Variants in NAMPT observed in about 807,000 individuals in gnomAD.
The protein encoded by NAMPT is nicotinamide phosphoribosyltransferase, also known as NAmPRTase.
Under a neutral mutation model 58.7 loss-of-function variants are expected in NAMPT, and 7 were observed. That is an observed-to-expected ratio of 0.12 (90% CI 0.07 to 0.22). NAMPT has a LOEUF of 0.22. Ranked by LOEUF, NAMPT falls within the 10% of genes least tolerant of loss-of-function variation. The probability of loss-of-function intolerance (pLI) is 1.00; values close to 1 mark genes in which losing one functional copy is unlikely to be tolerated. For synonymous variants in NAMPT, 145 were observed against 198.1 expected (o/e 0.73, Z 2.25); for missense variants, 271 against 567.9 (o/e 0.48, Z 5.31).
At chr7:106,285,680 C>G, upstream of NAMPT, 1 of 744,118 alleles carries the variant, frequency 1.3e-6, no homozygotes, top group Non-Finnish European at 1.6e-6. Flanking sequence ...TCTGATGCAG[C>G]GACTCCGCTT....
At chr7:106,273,638 T>C (rs930810657) in intron 3 of NAMPT, among the ~76,000 whole-genome samples, 12 of 152,196 alleles carry the variant, frequency 7.9e-5, no homozygotes, top group Admixed American at 2.6e-4. Context: ...TCTGATCATA[T>C]AATCAAACGA....
At chr7:106,262,681 A>G (rs1425714123) in intron 7 of NAMPT, among the ~76,000 whole-genome samples, 2 of 151,662 alleles carry the variant, frequency 1.3e-5, no homozygotes, top group East Asian at 3.9e-4. Flanking sequence ...TGGATATCTG[A>G]CTCCTTATCT....
At chr7:106,257,267 A>G (rs1792218400) in intron 8 of NAMPT, among the ~76,000 whole-genome samples, 1 of 152,006 alleles carries the variant, frequency 6.6e-6, no homozygotes, top group African/African-American at 2.4e-5. Context: ...TTATCTCAAT[A>G]TTCTTGTTTA....
chr7:106,265,497 A>C (rs1326191303), intron 6 of NAMPT, among the ~76,000 whole-genome samples: 3 of 151,178 alleles, frequency 2.0e-5, no homozygotes, highest in Non-Finnish European at 4.4e-5. Flanking sequence ...GTCAGATGGC[A>C]ATATTTCTCA....
At chr7:106,274,147 T>C (rs1792589088) in intron 3 of NAMPT, among the ~76,000 whole-genome samples, 1 of 150,852 alleles carries the variant, frequency 6.6e-6, no homozygotes. Flanking sequence ...AAAATCAACT[T>C]TGTGGATCAG....
chr7:106,271,604 G>C (rs13240452), intron 4 of NAMPT, among the ~76,000 whole-genome samples: 41,483 of 151,438 alleles, frequency 0.27, 6,701 homozygotes, highest in South Asian at 0.45. Flanking sequence ...CCTTTTTTTT[G>C]AGTGTATTAT....
At chr7:106,285,696 C>T (rs1279054414), upstream of NAMPT, 8 of 594,964 alleles carry the variant, frequency 1.3e-5, no homozygotes, top group South Asian at 7.4e-5. Flanking sequence ...CGCTTTCCTC[C>T]GGCGGCTCTG....
chr7:106,269,220 A>G lies in NAMPT; in HGVS notation c.540T>C (p.Ser180=), dbSNP rs199969432. 1.2e-6 allele frequency: 2 copies of G among 1,613,554 alleles called. No homozygotes were observed. The highest frequency in any genetic ancestry group is 1.3e-5 in the African/African-American group (1 of 75,040). The change falls in exon 5 of 11, where the codon TCT becomes TCC. Residue 180 remains serine, a synonymous_variant. Transcript: ENST00000222553. ...KILAKYLLET[S]GNLDGLEYKL... ...TGTATTCCAGACCATCTAAGTTACCAGAAGTTTCTAACAAATATTTGGCCA... is the reference window on the plus strand; with the variant it reads ...TGTATTCCAGACCATCTAAGTTACCGGAAGTTTCTAACAAATATTTGGCCA...
At chr7:106,274,871 A>G (rs1792603700) in intron 3 of NAMPT, 75 bp downstream of exon 3, 1 of 1,008,062 alleles carries the variant, frequency 9.9e-7, no homozygotes, top group African/African-American at 1.6e-5. Flanking sequence ...CACAAAACAA[A>G]AACAAATTCC....
intron 9 of NAMPT, chr7:106,253,359 G>T (rs1792136618): frequency 1.9e-6 from 1 of 513,444 alleles, no homozygotes; most frequent in South Asian, 2.3e-5. Context: ...GAAAAAGTAT[G>T]ACATCTTGGA....
chr7:106,285,706 GT>G, upstream of NAMPT: 1 of 438,356 alleles, frequency 2.3e-6, no homozygotes, highest in Non-Finnish European at 3.0e-6. Flanking sequence ...CGGCGGCTCT[GT>G]CTATGGCTGA....
intron 1 of NAMPT, 56 bp from the exon 2 acceptor site, chr7:106,277,235 C>T: frequency 7.1e-7 from 1 of 1,411,184 alleles, no homozygotes; most frequent in Non-Finnish European, 9.8e-7. Context: ...CTATAAATCA[C>T]AACAGAAAAG....
intron 4 of NAMPT, chr7:106,270,181 T>C: frequency 7.9e-6 from 2 of 253,894 alleles, no homozygotes; most frequent in South Asian, 7.1e-5. Context: ...GTCTGTCTAA[T>C]CACAGCAACC....
chr7:106,284,391 G>C lies in NAMPT; in HGVS notation c.57+437C>G, dbSNP rs1398219667. 5 of 149,986 alleles carry C rather than the reference G, an allele frequency of 3.3e-5. 1 individual carries two copies. The highest frequency in any genetic ancestry group is 1.2e-4 in the African/African-American group (5 of 40,634). The allele number at this position is 149,986 out of a possible 1,614,324, so 9.3% of individuals were successfully genotyped here. A position where few individuals can be genotyped will look rare whatever the true frequency, so the allele number is the denominator to read the frequency against. ...GCGCGCCGGGCTGGCCCGGGGGAAA[G>C]CCCCGCTCACTCTCCACTGCGGGTC... On this transcript the variant is annotated intron_variant, in intron 1 of 10. Transcript: ENST00000222553.
chr7:106,263,286 A>C (rs1305165578), intron 7 of NAMPT, 106 bp downstream of exon 7: 18 of 776,872 alleles, frequency 2.3e-5, no homozygotes, highest in Non-Finnish European at 3.8e-5. Context: ...AATAAAGGGG[A>C]CTGGTCCACA....
At chr7:106,280,300 G>C (rs1313487407) in intron 1 of NAMPT, among the ~76,000 whole-genome samples, 3 of 152,134 alleles carry the variant, frequency 2.0e-5, no homozygotes, top group African/African-American at 7.2e-5. Flanking sequence ...CACATTTTTG[G>C]TTGAGCAACT....
In NAMPT at chr7:106,284,948, A is replaced by C. The variant is rs991603683; in HGVS notation, c.-64T>G. The C allele has an allele frequency of 6.5e-7, 1 of 1,548,712 alleles. No individual in the cohort carries two copies. Among genetic ancestry groups the C allele is most frequent in the East Asian group, 2.4e-5 (1 of 41,302 alleles). ...CTGGCGCGGCTGCGAGGAAGGAGAA[A>C]AATGAGCTTCACCGCGCTCCGTTGC... On this transcript the variant is annotated 5_prime_UTR_variant, in exon 1 of 11. Transcript: ENST00000222553.
intron 3 of NAMPT, 35 bp downstream of exon 3, chr7:106,274,911 A>T (rs771487834): frequency 7.0e-7 from 1 of 1,437,728 alleles, no homozygotes; most frequent in Non-Finnish European, 9.6e-7. Context: ...TGAAAGAAAA[A>T]CCAAAACAGA....
intron 5 of NAMPT, among the ~76,000 whole-genome samples, chr7:106,268,842 C>G (rs547962183): frequency 1.3e-5 from 2 of 152,288 alleles, no homozygotes; most frequent in South Asian, 4.1e-4. Context: ...GTCCCACCCC[C>G]ACTTTTCATC....
Sources: allele counts gnomAD v4.1 joint callset (sites outside exome capture counted in the v4.1 genomes callset), GRCh38; gene constraint gnomAD v4.1.1; transcripts MANE v1.5; gene names NCBI Gene and HGNC (gene_info 2026-07-23, HGNC 2026-07-21).